Variants in SP140L observed in about 807,000 individuals in gnomAD.
SP140L encodes SP140 like nuclear body protein.
SP140L carries 64 observed loss-of-function variants against 84.3 expected under a neutral mutation model. That is an observed-to-expected ratio of 0.76 (90% CI 0.62 to 0.94). SP140L has a LOEUF of 0.94. Ranked by LOEUF, SP140L falls within the 40% of genes least tolerant of loss-of-function variation. The pLI is 0.00. For missense variants in SP140L, 628 were observed against 692.5 expected (o/e 0.91, Z 1.05); for synonymous variants, 242 against 236.9 (o/e 1.02, Z -0.20).
In SP140L at chr2:230,380,767, C is replaced by T. The variant is rs527989164; in HGVS notation, c.638-2743C>T. Among the ~76,000 whole-genome samples the T allele has an allele frequency of 1.8e-4, 28 of 152,218 alleles. No homozygotes were observed. The South Asian group carries it at 3.5e-3, about 19-fold the overall frequency. ...TCTTTATTGTGAGATTTATTTCACT[C>T]AGCATGTTTTTGAGATTCATTCATA... On this transcript the variant is annotated intron_variant, in intron 7 of 18. Transcript: ENST00000415673.
At chr2:230,357,170 T>C (rs558702191) in intron 2 of SP140L, among the ~76,000 whole-genome samples, 4 of 152,332 alleles carry the variant, frequency 2.6e-5, no homozygotes, top group African/African-American at 9.6e-5. Context: ...ATTAACTGTA[T>C]ATAGCAATAG....
chr2:230,333,191 G>A (rs1000948121), intron 2 of SP140L, among the ~76,000 whole-genome samples: 6 of 147,250 alleles, frequency 4.1e-5, no homozygotes, highest in Non-Finnish European at 7.4e-5. Context: ...ATGGAGTCTC[G>A]CTCTTTCTCC....
At chr2:230,371,093 T>C (rs1378598379) in intron 6 of SP140L, 126 bp downstream of exon 6, 1 of 769,744 alleles carries the variant, frequency 1.3e-6, no homozygotes, top group African/African-American at 1.7e-5. Flanking sequence ...CCCAAGCCTT[T>C]GGGGAACTGC....
intron 7 of SP140L, among the ~76,000 whole-genome samples, chr2:230,376,561 T>C (rs1816208): frequency 0.23 from 34,962 of 151,944 alleles, 4,255 homozygotes; most frequent in Non-Finnish European, 0.28. Flanking sequence ...ATGACACTGA[T>C]GAAAGAAATT....
chr2:230,344,855 T>C (rs776618076), intron 2 of SP140L, among the ~76,000 whole-genome samples: 11 of 152,252 alleles, frequency 7.2e-5, no homozygotes, highest in Non-Finnish European at 1.2e-4. Flanking sequence ...CCTCCTGTTA[T>C]GGATTTCGAG....
At chr2:230,387,565 A>G (rs1346563235) in intron 9 of SP140L, among the ~76,000 whole-genome samples, 2 of 152,218 alleles carry the variant, frequency 1.3e-5, no homozygotes, top group Admixed American at 1.3e-4. Flanking sequence ...ACTTAGGAAT[A>G]AGTAGGTTGG....
intron 14 of SP140L, among the ~76,000 whole-genome samples, chr2:230,397,421 G>A (rs1258985467): frequency 3.3e-5 from 5 of 152,096 alleles, no homozygotes; most frequent in African/African-American, 7.2e-5. Context: ...AAACCATCAC[G>A]ACCTAGCAAA....
At chr2:230,379,916 G>T (rs191582350) in intron 7 of SP140L, among the ~76,000 whole-genome samples, 6 of 152,268 alleles carry the variant, frequency 3.9e-5, no homozygotes, top group Non-Finnish European at 8.8e-5. Context: ...GCATGCAGAA[G>T]TCTTGGGAGA....
chr2:230,392,276 C>T (rs769664082), intron 12 of SP140L, 47 bp downstream of exon 12: 4 of 1,601,174 alleles, frequency 2.5e-6, no homozygotes, highest in South Asian at 1.1e-5. Context: ...CTTCTTGTTC[C>T]CTAATAATGA....
chr2:230,365,280 T>C (rs1047211327), intron 5 of SP140L, among the ~76,000 whole-genome samples: 10 of 152,218 alleles, frequency 6.6e-5, no homozygotes, highest in African/African-American at 2.4e-4. Context: ...CATCTGGTCC[T>C]GGGCTTTTGT....
chr2:230,402,997 T>C lies in SP140L; in HGVS notation c.*101T>C. 1.1e-6 allele frequency: 1 copy of C among 916,668 alleles called. No individual in the cohort carries two copies. Among genetic ancestry groups the C allele is most frequent in the Non-Finnish European group, 1.7e-6 (1 of 597,770 alleles). The allele number at this position is 916,668 out of a possible 1,614,324, so 56.8% of individuals were successfully genotyped here. ...GAAATAGCACATGCAGGGAGAGGCT[T>C]TTCTCTGAGCCTCCCTCATCTGCCC... On this transcript the variant is annotated 3_prime_UTR_variant, in exon 19 of 19. Transcript: ENST00000415673.
Position 230,392,243 on chromosome 2 carries a change from A to G in SP140L, c.1107+14A>G, listed in dbSNP as rs1434383671. 3 of 1,613,440 alleles carry G rather than the reference A, an allele frequency of 1.9e-6. No homozygotes were observed. In the South Asian group the frequency reaches 3.3e-5, roughly 18 times the overall value. The stretch of plus-strand genomic sequence containing the variant: ...CGGCTGATGGAGGTATTCCAATGAC[A>G]AGAGGCCAGACCTGTGCCCATTCTT... On this transcript the variant is annotated intron_variant, in intron 12 of 18. Coordinates refer to ENST00000415673, the MANE Select transcript of SP140L (RefSeq NM_138402.6).
intron 9 of SP140L, among the ~76,000 whole-genome samples, chr2:230,388,059 T>C (rs1343038373): frequency 1.3e-5 from 2 of 152,214 alleles, no homozygotes; most frequent in African/African-American, 4.8e-5. Flanking sequence ...TTTGTGTCTC[T>C]GCTAAGAGAA....
intron 15 of SP140L, 94 bp downstream of exon 15, chr2:230,400,336 G>A: frequency 1.5e-6 from 2 of 1,296,712 alleles, no homozygotes; most frequent in Non-Finnish European, 2.2e-6. Flanking sequence ...GTGTCTAGAT[G>A]GGGAAGGAGC....
intron 7 of SP140L, 89 bp from the exon 8 acceptor site, chr2:230,383,420 TG>T: frequency 7.2e-7 from 1 of 1,385,178 alleles, no homozygotes; most frequent in Non-Finnish European, 9.7e-7. Context: ...GACCAAAGTA[TG>T]AAAAAATCTT....
intron 2 of SP140L, among the ~76,000 whole-genome samples, chr2:230,351,279 G>A (rs766090076): frequency 3.3e-5 from 5 of 152,232 alleles, no homozygotes; most frequent in Non-Finnish European, 7.3e-5. Flanking sequence ...ACATGGCATA[G>A]TGTCACTAAT....
intron 4 of SP140L, among the ~76,000 whole-genome samples, chr2:230,359,654 A>C (rs1559425526): frequency 6.6e-6 from 1 of 151,712 alleles, no homozygotes; most frequent in South Asian, 2.1e-4. Flanking sequence ...GAAGACCACA[A>C]TTATTCTTTC....
chr2:230,390,877 A>C (rs778686010), intron 11 of SP140L, among the ~76,000 whole-genome samples: 1 of 152,164 alleles, frequency 6.6e-6, no homozygotes, highest in Non-Finnish European at 1.5e-5. Context: ...ATTAGTAGTC[A>C]ATGCCCATTC....
rs769714933 is a variant in SP140L at position 230,392,206 on chromosome 2, T to A, written c.1084T>A (p.Trp362Arg). 6 of 1,602,216 alleles carry A rather than the reference T, an allele frequency of 3.7e-6. No homozygotes were observed. In the Admixed American group the frequency reaches 1.0e-4, roughly 28 times the overall value. Residue 362 changes from tryptophan (W) to arginine (R), a missense_variant, in exon 12 of 19, where the codon TGG becomes AGG. By Grantham distance (101) the Trp-to-Arg change is moderately radical. Coordinates refer to ENST00000415673, the MANE Select transcript of SP140L (RefSeq NM_138402.6). The stretch of plus-strand genomic sequence containing the variant: ...GAGGCTGAGTGTGCGCTGTGGCGGG[T>A]GGCCCCTACGACGGCTGATGGAGGT... Reference protein sequence around the residue: ...NWRLSVRCGGWPLRRLMEEGS... With the variant: ...NWRLSVRCGGRPLRRLMEEGS...
Sources: gnomAD v4.1 joint callset for allele counts (sites outside exome capture counted in the v4.1 genomes callset) on GRCh38, gnomAD v4.1.1 for gene constraint, MANE v1.5 for transcripts, NCBI Gene and HGNC (gene_info 2026-07-23, HGNC 2026-07-21) for gene names.